The following DCLK2 variants were observed in gnomAD, a reference collection of about 807,000 sequenced individuals.
The protein encoded by DCLK2 is doublecortin like kinase 2.
In DCLK2, 31 loss-of-function variants were observed where a neutral mutation model predicts 78.4. The observed-to-expected ratio is 0.40, with a 90% CI of 0.30 to 0.53. The LOEUF is 0.53. Ranked by LOEUF, DCLK2 falls within the 20% of genes least tolerant of loss-of-function variation. The pLI, the probability that DCLK2 is intolerant of heterozygous loss-of-function variation, is 0.61. For missense variants in DCLK2, 872 were observed against 973.7 expected, an observed-to-expected ratio of 0.90 and a Z score of 1.39; for synonymous variants, 407 against 374.9, an observed-to-expected ratio of 1.09 and a Z score of -0.99.
chr4:150,084,266 AATG>A (rs1295817915), intron 1 of DCLK2, among the ~76,000 whole-genome samples: 3 of 152,224 alleles, frequency 2.0e-5, no homozygotes, highest in Non-Finnish European at 4.4e-5. Flanking sequence ...TAACTCAGAC[AATG>A]ATTTTACCTC....
chr4:150,081,969 G>A (rs1729327706), intron 1 of DCLK2, among the ~76,000 whole-genome samples: 1 of 145,496 alleles, frequency 6.9e-6, no homozygotes, highest in South Asian at 2.1e-4. Context: ...CTGCACTCCA[G>A]CCTGGGCGAT....
intron 3 of DCLK2, among the ~76,000 whole-genome samples, chr4:150,194,217 C>T (rs999825498): frequency 9.2e-5 from 14 of 152,102 alleles, no homozygotes; most frequent in African/African-American, 9.7e-5. Context: ...CGTTGTGTTA[C>T]GGTTGCCTAC....
At position 150,220,476 on chromosome 4, in the gene DCLK2, AAAG is replaced by A. The variant is rs1741100524; in HGVS notation, c.1057-226_1057-224del. ...AGTAAAAAATAACATAATTTCAAAA[AAAG>A]GTAACTGATGATTTTTCTTATGTCT... On this transcript the variant is annotated intron_variant, in intron 5 of 15. Coordinates refer to ENST00000296550, the MANE Select transcript of DCLK2 (RefSeq NM_001040260.4). 2.0e-5 allele frequency among the ~76,000 whole-genome samples: 3 copies of A among 152,318 alleles called. 1 individual carries two copies. The South Asian group carries it at 6.2e-4, about 32-fold the overall frequency.
chr4:150,182,650 T>C (rs1404659367), intron 2 of DCLK2, among the ~76,000 whole-genome samples: 1 of 152,114 alleles, frequency 6.6e-6, no homozygotes, highest in Non-Finnish European at 1.5e-5. Context: ...AACTTATATG[T>C]AGTAGAATAT....
intron 2 of DCLK2, among the ~76,000 whole-genome samples, chr4:150,133,912 A>G (rs1358960122): frequency 6.6e-6 from 1 of 152,106 alleles, no homozygotes; most frequent in Non-Finnish European, 1.5e-5. Flanking sequence ...TTTCAAGGAA[A>G]CTCATGTAGC....
chr4:150,193,349 G>A (rs1162988910), intron 3 of DCLK2, 109 bp downstream of exon 3: 14 of 590,814 alleles, frequency 2.4e-5, no homozygotes, highest in Non-Finnish European at 3.5e-5. Context: ...GACATGTTGA[G>A]GAAAGATAGC....
intron 10 of DCLK2, among the ~76,000 whole-genome samples, chr4:150,239,518 C>G (rs1003136583): frequency 1.3e-5 from 2 of 152,010 alleles, no homozygotes; most frequent in African/African-American, 4.8e-5. Flanking sequence ...GGAAGGATTA[C>G]TTCAGCCCAG....
At chr4:150,087,996 A>T (rs578227813) in intron 1 of DCLK2, among the ~76,000 whole-genome samples, 1 of 151,520 alleles carries the variant, frequency 6.6e-6, no homozygotes, top group South Asian at 2.1e-4. Flanking sequence ...GCAGAAGATC[A>T]GAGAAAAACG....
At chr4:150,082,857 C>CTCT (rs1439663170) in intron 1 of DCLK2, among the ~76,000 whole-genome samples, 1 of 152,166 alleles carries the variant, frequency 6.6e-6, no homozygotes, top group Non-Finnish European at 1.5e-5. Flanking sequence ...GTTTGGTCTT[C>CTCT]TCTCCTTCTG....
Position 150,256,317 on chromosome 4 carries a change from C to T in DCLK2, c.*70C>T, listed in dbSNP as rs1744566825. 1 of 1,441,706 alleles carries T rather than the reference C, an allele frequency of 6.9e-7. No individual in the cohort carries two copies. The highest frequency in any genetic ancestry group is 9.1e-7 in the Non-Finnish European group (1 of 1,101,552). 89.3% of individuals were successfully genotyped at this position (1,441,706 alleles called of 1,614,324 possible). A position where few individuals can be genotyped will look rare whatever the true frequency, so the allele number is the denominator to read the frequency against. ...CAGCCCTCTGCTCGGCCTCGCCGGC[C>T]TCCCTGCTGCAGGCCTCCCTCTCTT... On this transcript the variant is annotated 3_prime_UTR_variant, in exon 16 of 16. Transcript: ENST00000296550.
At chr4:150,250,221 T>G (rs918712071) in intron 15 of DCLK2, among the ~76,000 whole-genome samples, 1 of 152,190 alleles carries the variant, frequency 6.6e-6, no homozygotes, top group Admixed American at 6.5e-5. Context: ...TTGGTAACAT[T>G]TTATGAGATG....
intron 5 of DCLK2, chr4:150,209,566 A>G (rs528842987): frequency 6.6e-6 from 1 of 152,366 alleles, no homozygotes; most frequent in East Asian, 1.9e-4. Context: ...TGCTTTGGCC[A>G]GATTATTAAG....
At chr4:150,170,227 A>T (rs1228542984) in intron 2 of DCLK2, among the ~76,000 whole-genome samples, 1 of 152,054 alleles carries the variant, frequency 6.6e-6, no homozygotes, top group Non-Finnish European at 1.5e-5. Context: ...TATTTTTACT[A>T]TAGACATGGT....
At chr4:150,207,555 G>C (rs141564703) in intron 5 of DCLK2, among the ~76,000 whole-genome samples, 1,645 of 152,226 alleles carry the variant, frequency 0.011, 32 homozygotes, top group African/African-American at 0.038. Context: ...AGTTTTCTTG[G>C]TACTCTTACG....
chr4:150,200,806 A>G (rs1739394265), intron 4 of DCLK2, among the ~76,000 whole-genome samples: 1 of 152,220 alleles, frequency 6.6e-6, no homozygotes, highest in South Asian at 2.1e-4. Context: ...TAGTATGTAA[A>G]AAGCACATAG....
chr4:150,138,883 C>T (rs1330554877), intron 2 of DCLK2, among the ~76,000 whole-genome samples: 1 of 151,984 alleles, frequency 6.6e-6, no homozygotes, highest in African/African-American at 2.4e-5. Flanking sequence ...CCAGGATGGT[C>T]TCAATCTCCT....
intron 1 of DCLK2, among the ~76,000 whole-genome samples, chr4:150,099,405 C>T (rs1730705626): frequency 1.3e-5 from 2 of 152,208 alleles, no homozygotes; most frequent in Non-Finnish European, 2.9e-5. Flanking sequence ...AGGGAACCAA[C>T]ATCTTAAGTT....
chr4:150,081,799 C>T (rs932851764), intron 1 of DCLK2, among the ~76,000 whole-genome samples: 3 of 149,850 alleles, frequency 2.0e-5, no homozygotes, highest in Admixed American at 6.7e-5. Context: ...CGAGACCAGC[C>T]TGACAAACAA....
chr4:150,234,770 G>C (rs1002611984), intron 10 of DCLK2, among the ~76,000 whole-genome samples: 3 of 146,212 alleles, frequency 2.1e-5, no homozygotes, highest in African/African-American at 8.2e-5. Flanking sequence ...AAAAAAAAGG[G>C]GGATTGTGGA....
Sources: allele counts gnomAD v4.1 joint callset (sites outside exome capture counted in the v4.1 genomes callset), GRCh38; gene constraint gnomAD v4.1.1; transcripts MANE v1.5; gene names NCBI Gene and HGNC (gene_info 2026-07-23, HGNC 2026-07-21).